SNX24: variants seen among roughly 807,000 people sequenced by gnomAD.
The protein encoded by SNX24 is sorting nexin-24.
In SNX24, 22 loss-of-function variants were observed where a neutral mutation model predicts 28.7. The observed-to-expected ratio is 0.77, with a 90% CI of 0.55 to 1.10. SNX24 has a LOEUF of 1.10. Among genes scored for constraint, SNX24 ranks in the 50% least tolerant of loss-of-function variants. The probability of loss-of-function intolerance (pLI) is 0.00; values close to 1 mark genes in which losing one functional copy is unlikely to be tolerated. For synonymous variants in SNX24, 69 were observed against 71.5 expected (o/e 0.96, Z 0.18); for missense variants, 221 against 201.1 (o/e 1.10, Z -0.60).
rs928080944 is a variant in SNX24, at chr5:122,864,425, G to A, written c.60+18732G>A. Among the ~76,000 whole-genome samples, 5 of 152,184 alleles carry A rather than the reference G, an allele frequency of 3.3e-5. No individual in the cohort carries two copies. The South Asian group carries it at 8.3e-4, about 25-fold the overall frequency. ...CCTTTCCTGCTGCCTAGGCTGAGCC[G>A]ATTTATCAAGACAGGGGAACCGCAA... On this transcript the variant is annotated intron_variant, in intron 1 of 6. Coordinates refer to ENST00000261369, the MANE Select transcript of SNX24 (RefSeq NM_014035.4).
intron 3 of SNX24, among the ~76,000 whole-genome samples, chr5:122,956,373 CACACACACACACA>C (rs1760215650): frequency 9.9e-5 from 1 of 10,104 alleles, no homozygotes; most frequent in Admixed American, 1.5e-3. Context: ...TATATACACA[CACACACACACACA>C]CACACACACA....
chr5:122,906,724 T>G (rs1237110491), intron 1 of SNX24, among the ~76,000 whole-genome samples: 1 of 152,168 alleles, frequency 6.6e-6, no homozygotes, highest in Non-Finnish European at 1.5e-5. Flanking sequence ...GCCAGGCTGG[T>G]CTTGAACCCC....
intron 5 of SNX24, among the ~76,000 whole-genome samples, chr5:123,026,491 G>A (rs963253911): frequency 5.3e-5 from 8 of 152,292 alleles, no homozygotes; most frequent in Non-Finnish European, 8.8e-5. Flanking sequence ...GGTATTCTCC[G>A]TCCTATTTTA....
chr5:122,942,811 TTTG>T (rs1313088086), intron 2 of SNX24, among the ~76,000 whole-genome samples: 1 of 152,156 alleles, frequency 6.6e-6, no homozygotes, highest in African/African-American at 2.4e-5. Context: ...TTGTCTCGGG[TTTG>T]TCTCTCATCT....
chr5:122,946,998 A>G (rs1759716090), intron 3 of SNX24, among the ~76,000 whole-genome samples: 1 of 152,156 alleles, frequency 6.6e-6, no homozygotes. Flanking sequence ...GGCCAGTAGT[A>G]TGGTCCCTCC....
intron 1 of SNX24, among the ~76,000 whole-genome samples, chr5:122,876,768 TACCCGGAAG>T (rs1361931438): frequency 3.9e-5 from 6 of 152,202 alleles, no homozygotes; most frequent in Non-Finnish European, 8.8e-5. Context: ...TGGAGTGCAG[TACCCGGAAG>T]ACCTCCTGCA....
chr5:122,966,460 A>G (rs534273002), intron 3 of SNX24, among the ~76,000 whole-genome samples: 4 of 152,354 alleles, frequency 2.6e-5, no homozygotes, highest in African/African-American at 9.6e-5. Flanking sequence ...ATTGTAGTGC[A>G]AAAGCTACCA....
rs891283882 is a variant in SNX24, at chr5:122,891,247, T to A, written c.61-45487T>A. The A allele has an allele frequency of 1.2e-5, 12 of 975,786 alleles. No individual in the cohort carries two copies. In the Admixed American group the frequency reaches 1.9e-4, roughly 15 times the overall value. The allele number at this position is 975,786 out of a possible 1,614,324, so 60.4% of individuals were successfully genotyped here. Reference sequence around the variant, plus strand: ...TTGACTTTAAAGTGCCTATTTATTCTAATATCAATGTATTCTATTTTAAAA... The same window carrying A: ...TTGACTTTAAAGTGCCTATTTATTCAAATATCAATGTATTCTATTTTAAAA... On this transcript the variant is annotated intron_variant, in intron 1 of 6. Transcript: ENST00000261369.
intron 3 of SNX24, among the ~76,000 whole-genome samples, chr5:122,949,700 A>G (rs1344301209): frequency 6.6e-6 from 1 of 152,226 alleles, no homozygotes; most frequent in Admixed American, 6.5e-5. Flanking sequence ...ATTAAAAACA[A>G]TAGTATGAAG....
intron 2 of SNX24, among the ~76,000 whole-genome samples, chr5:122,943,221 T>C (rs546696921): frequency 2.0e-4 from 30 of 152,132 alleles, no homozygotes; most frequent in Non-Finnish European, 2.6e-4. Context: ...ACTGAATCAG[T>C]CTCATCACTA....
chr5:122,853,115 C>CTTTT (rs10530519), intron 1 of SNX24, among the ~76,000 whole-genome samples: 8 of 71,588 alleles, frequency 1.1e-4, no homozygotes, highest in Admixed American at 4.2e-4. Flanking sequence ...GTTCTTTAGC[C>CTTTT]TTTTTTTTTT....
rs184730521 is a variant in SNX24, at chr5:122,963,587, A to G, written c.249+17428A>G. ...CTCTCTTTCAGTACTGCAATCTTCC[A>G]TTCAGAGAAGATTTTAGGAAGGCAG... On this transcript the variant is annotated intron_variant, in intron 3 of 6. Transcript: ENST00000261369. Among the ~76,000 whole-genome samples, 6 of 152,298 alleles carry G rather than the reference A, an allele frequency of 3.9e-5. No homozygotes were observed. In the East Asian group the frequency reaches 1.2e-3, roughly 29 times the overall value.
intron 1 of SNX24, 34 bp from the exon 2 acceptor site, chr5:122,936,700 C>A: frequency 8.1e-7 from 1 of 1,227,418 alleles, no homozygotes; most frequent in Non-Finnish European, 1.2e-6. Context: ...GGGTTTTGAA[C>A]TAATATAATT....
chr5:122,915,856 A>T (rs558585315), intron 1 of SNX24, among the ~76,000 whole-genome samples: 8 of 152,138 alleles, frequency 5.3e-5, no homozygotes, highest in Non-Finnish European at 7.4e-5. Context: ...TTCTTTTGTT[A>T]AACTGACCTT....
intron 1 of SNX24, among the ~76,000 whole-genome samples, chr5:122,894,589 T>G (rs1048634785): frequency 4.6e-5 from 7 of 152,228 alleles, no homozygotes; most frequent in Non-Finnish European, 7.3e-5. Context: ...TTTTCTCTTA[T>G]AAATAATGCT....
At chr5:122,906,799 C>CA (rs1242491132) in intron 1 of SNX24, among the ~76,000 whole-genome samples, 1 of 152,234 alleles carries the variant, frequency 6.6e-6, no homozygotes, top group Non-Finnish European at 1.5e-5. Context: ...TGAGCCACCA[C>CA]ACCTGGCCTA....
chr5:122,993,997 G>T (rs561579218), intron 3 of SNX24, among the ~76,000 whole-genome samples: 1 of 152,216 alleles, frequency 6.6e-6, no homozygotes, highest in African/African-American at 2.4e-5. Flanking sequence ...TGACAAAGAG[G>T]TTCTCTACAG....
At chr5:123,013,382 G>C (rs1762626175), downstream of SNX24, among the ~76,000 whole-genome samples, 1 of 152,218 alleles carries the variant, frequency 6.6e-6, no homozygotes, top group African/African-American at 2.4e-5. Flanking sequence ...CTCCTTGCAA[G>C]TAATTATTTT....
Position 122,969,732 on chromosome 5 carries a change from T to C in SNX24, c.249+23573T>C, listed in dbSNP as rs145385021. On this transcript the variant is annotated intron_variant, in intron 3 of 6. Coordinates refer to ENST00000261369, the MANE Select transcript of SNX24 (RefSeq NM_014035.4). The stretch of plus-strand genomic sequence containing the variant: ...CTCTGATCATCTGTTTCTGTTATTA[T>C]TTTAAAACATTCACGATAGGAGACT... Among the ~76,000 whole-genome samples, 360 of 152,334 alleles carry C rather than the reference T, an allele frequency of 2.4e-3. 1 individual carries two copies. Among genetic ancestry groups the C allele is most frequent in the African/African-American group, 7.2e-3 (298 of 41,578 alleles).
Sources: gnomAD v4.1 joint callset for allele counts (sites outside exome capture counted in the v4.1 genomes callset) on GRCh38, gnomAD v4.1.1 for gene constraint, MANE v1.5 for transcripts, NCBI Gene and HGNC (gene_info 2026-07-23, HGNC 2026-07-21) for gene names.